STK32B: variants seen among roughly 807,000 people sequenced by gnomAD.
STK32B encodes serine/threonine-protein kinase 32B.
Under a neutral mutation model 52.6 loss-of-function variants are expected in STK32B, and 43 were observed. The observed-to-expected ratio is 0.82, with a 90% CI of 0.64 to 1.05. The LOEUF (loss-of-function observed/expected upper bound fraction) is 1.05, where lower values mean the gene tolerates loss of function less well. Ranked by LOEUF, STK32B falls within the 50% of genes least tolerant of loss-of-function variation. STK32B has a pLI of 0.00. For missense variants in STK32B, 621 were observed against 534.6 expected (o/e 1.16, Z -1.59); for synonymous variants, 238 against 204.3 (o/e 1.17, Z -1.41).
At chr4:5,193,424 C>T (rs968656779) in intron 3 of STK32B, among the ~76,000 whole-genome samples, 8 of 152,206 alleles carry the variant, frequency 5.3e-5, no homozygotes, top group African/African-American at 1.9e-4. Context: ...ATCCTTAGGC[C>T]TTTAGCAGAG....
Position 5,333,858 on chromosome 4 carries a change from G to A in STK32B, c.434+2465G>A, listed in dbSNP as rs542495426. Among the ~76,000 whole-genome samples, 409 of 152,230 alleles carry A rather than the reference G, an allele frequency of 2.7e-3. 2 individuals carry two copies. Among genetic ancestry groups the A allele is most frequent in the Middle Eastern group, 0.017 (5 of 294 alleles). ...ATATCTCTCTTTTGGTACCAGTACC[G>A]TGCTGTTTTGGTTACTGTAACCTTG... On this transcript the variant is annotated intron_variant, in intron 4 of 11. Coordinates refer to ENST00000282908, the MANE Select transcript of STK32B (RefSeq NM_018401.3).
intron 6 of STK32B, among the ~76,000 whole-genome samples, chr4:5,424,269 G>A (rs912706484): frequency 1.3e-5 from 2 of 152,166 alleles, no homozygotes; most frequent in Admixed American, 6.5e-5. Context: ...AGCACAAACA[G>A]CCTGGCCCCC....
At chr4:5,232,099 C>G (rs1379674589) in intron 3 of STK32B, among the ~76,000 whole-genome samples, 1 of 152,004 alleles carries the variant, frequency 6.6e-6, no homozygotes. Flanking sequence ...ACAGCCCAGC[C>G]CAGACATTTC....
intron 4 of STK32B, among the ~76,000 whole-genome samples, chr4:5,374,938 C>G (rs950728099): frequency 2.0e-5 from 3 of 152,136 alleles, no homozygotes; most frequent in South Asian, 4.1e-4. Context: ...TAGCAAGCGT[C>G]CAAAGTTAAG....
intron 5 of STK32B, among the ~76,000 whole-genome samples, chr4:5,404,825 CAATTAAATTCAT>C (rs565467872): frequency 6.7e-6 from 1 of 149,258 alleles, no homozygotes; most frequent in South Asian, 2.1e-4. Flanking sequence ...AAAAGGGACT[CAATTAAATTCAT>C]AACACCCCTG....
At chr4:5,135,677 C>T (rs1362932094) in intron 1 of STK32B, among the ~76,000 whole-genome samples, 1 of 152,156 alleles carries the variant, frequency 6.6e-6, no homozygotes, top group South Asian at 2.1e-4. Flanking sequence ...ATCCTTTGCT[C>T]ATGTTTTTGG....
chr4:5,247,728 A>G (rs945336834), intron 3 of STK32B, among the ~76,000 whole-genome samples: 4 of 152,062 alleles, frequency 2.6e-5, no homozygotes, highest in Non-Finnish European at 2.9e-5. Context: ...CCCTTTGATT[A>G]TAAATTCTTA....
intron 6 of STK32B, among the ~76,000 whole-genome samples, chr4:5,439,631 G>C (rs183295890): frequency 0.025 from 3,753 of 151,826 alleles, 64 homozygotes; most frequent in Non-Finnish European, 0.04. Flanking sequence ...GTCAATTTTG[G>C]CTTTTGTTGC....
chr4:5,452,097 T>C (rs6847656), intron 7 of STK32B, among the ~76,000 whole-genome samples: 1 of 151,936 alleles, frequency 6.6e-6, no homozygotes, highest in African/African-American at 2.4e-5. Flanking sequence ...AGCAGAGATG[T>C]GTTCCCATCC....
intron 6 of STK32B, among the ~76,000 whole-genome samples, chr4:5,444,239 T>C (rs1202917503): frequency 6.6e-6 from 1 of 152,222 alleles, no homozygotes; most frequent in African/African-American, 2.4e-5. Flanking sequence ...ACTGCTGTGC[T>C]AGCAATCAGC....
chr4:5,278,688 A>G (rs746863369), intron 3 of STK32B, among the ~76,000 whole-genome samples: 1 of 152,280 alleles, frequency 6.6e-6, no homozygotes, highest in Admixed American at 6.5e-5. Context: ...CCCTTCTAAC[A>G]CTACTATAAA....
At chr4:5,332,274 G>C (rs532089183) in intron 4 of STK32B, among the ~76,000 whole-genome samples, 16 of 152,090 alleles carry the variant, frequency 1.1e-4, no homozygotes, top group Non-Finnish European at 2.4e-4. Context: ...TCAAAACATG[G>C]GGGAAGCTGG....
intron 3 of STK32B, among the ~76,000 whole-genome samples, chr4:5,184,441 A>G (rs1406433516): frequency 6.6e-6 from 1 of 152,218 alleles, no homozygotes; most frequent in Non-Finnish European, 1.5e-5. Flanking sequence ...ATTATTGATC[A>G]CTTTGGGAGG....
intron 3 of STK32B, among the ~76,000 whole-genome samples, chr4:5,256,279 A>G (rs1034390856): frequency 6.6e-6 from 1 of 152,218 alleles, no homozygotes; most frequent in African/African-American, 2.4e-5. Context: ...ACCATCTTTC[A>G]TAGATGTGTG....
intron 2 of STK32B, among the ~76,000 whole-genome samples, chr4:5,160,331 A>C (rs1042719229): frequency 6.6e-6 from 1 of 152,172 alleles, no homozygotes; most frequent in African/African-American, 2.4e-5. Flanking sequence ...CATTAAGGCA[A>C]ATACCACTCT....
chr4:5,350,370 A>C (rs1202151726), intron 4 of STK32B, among the ~76,000 whole-genome samples: 1 of 152,188 alleles, frequency 6.6e-6, no homozygotes, highest in African/African-American at 2.4e-5. Context: ...AAAAGCTGAG[A>C]TAATTCATCA....
At chr4:5,087,150 G>A (rs1242246622) in intron 1 of STK32B, among the ~76,000 whole-genome samples, 1 of 151,926 alleles carries the variant, frequency 6.6e-6, no homozygotes, top group Non-Finnish European at 1.5e-5. Flanking sequence ...ATAATATGTG[G>A]TAAAAACAGC....
At chr4:5,117,191 G>GAGAGTGAGC (rs1714777305) in intron 1 of STK32B, among the ~76,000 whole-genome samples, 1 of 152,198 alleles carries the variant, frequency 6.6e-6, no homozygotes, top group Non-Finnish European at 1.5e-5. Context: ...TAGCAGTGGT[G>GAGAGTGAGC]AGAGTGAGCA....
intron 6 of STK32B, among the ~76,000 whole-genome samples, chr4:5,437,714 T>G (rs1045684323): frequency 6.6e-6 from 1 of 152,174 alleles, no homozygotes; most frequent in African/African-American, 2.4e-5. Context: ...TTTATCCTGT[T>G]GGGTGGTTGG....
Sources: allele counts gnomAD v4.1 joint callset (sites outside exome capture counted in the v4.1 genomes callset), GRCh38; gene constraint gnomAD v4.1.1; transcripts MANE v1.5; gene names NCBI Gene and HGNC (gene_info 2026-07-23, HGNC 2026-07-21).